The following CSDE1 variants were observed in gnomAD, a reference collection of about 807,000 sequenced individuals.
The protein encoded by CSDE1 is cold shock domain-containing protein E1.
In CSDE1, 17 loss-of-function variants were observed where a neutral mutation model predicts 89.3. The observed-to-expected ratio is 0.19, with a 90% CI of 0.13 to 0.29. CSDE1 has a LOEUF of 0.29. Ranked by LOEUF, CSDE1 falls within the 10% of genes least tolerant of loss-of-function variation. CSDE1 has a pLI of 1.00. For synonymous variants in CSDE1, 322 were observed against 332.8 expected, an observed-to-expected ratio of 0.97 and a Z score of 0.35; for missense variants, 672 against 984.2, an observed-to-expected ratio of 0.68 and a Z score of 4.24.
chr1:114,727,163 TTACA>T, intron 12 of CSDE1, 73 bp from the exon 13 acceptor site: 1 of 1,024,442 alleles, frequency 9.8e-7, no homozygotes, highest in Non-Finnish European at 1.5e-6. Context: ...ACTATAGTTC[TTACA>T]TATTCTTGTG....
intron 1 of CSDE1, among the ~76,000 whole-genome samples, chr1:114,752,818 A>G (rs993698215): frequency 6.6e-6 from 1 of 152,168 alleles, no homozygotes; most frequent in African/African-American, 2.4e-5. Context: ...ATACCAAGCA[A>G]TTTCTGTACT....
In CSDE1 at chr1:114,718,137, T is replaced by C. The variant is rs777289026; in HGVS notation, c.*32A>G. The stretch of plus-strand genomic sequence containing the variant: ...CACCAGATTCCCCCCAACTTGATCA[T>C]AGTGGATTAATGGTGTGCTTTGTGG... On this transcript the variant is annotated 3_prime_UTR_variant, in exon 20 of 20. Transcript: ENST00000358528. 1.1e-5 allele frequency: 17 copies of C among 1,612,438 alleles called. No individual in the cohort carries two copies. Among genetic ancestry groups the C allele is most frequent in the East Asian group, 2.2e-5 (1 of 44,878 alleles).
At position 114,732,808 on chromosome 1, in the gene CSDE1, T is replaced by C. The variant is rs751111517; in HGVS notation, c.846A>G (p.Pro282=). 3.1e-6 allele frequency: 5 copies of C among 1,614,032 alleles called. No homozygotes were observed. The highest frequency in any genetic ancestry group is 1.7e-5 in the Admixed American group (1 of 60,014). Residue 282 remains proline (P), a synonymous_variant, in exon 10 of 20, where the codon CCA becomes CCG. Coordinates refer to ENST00000358528, the MANE Select transcript of CSDE1 (RefSeq NM_001007553.3). ...PKVPSKNQND[P]LPGRIKVDFV... The stretch of plus-strand genomic sequence containing the variant: ...AGTCAACTTTGATGCGTCCTGGCAA[T>C]GGGTCATTCTGATGAGAAGGAAAAA...
rs1258457842 is a variant in CSDE1, at chr1:114,741,636, T to A, written c.1-1746A>T. The A allele has an allele frequency of 2.6e-6, 4 of 1,547,526 alleles. No individual in the cohort carries two copies. The East Asian group carries it at 7.3e-5, about 28-fold the overall frequency. On this transcript the variant is annotated intron_variant, in intron 2 of 19. Transcript: ENST00000358528. ...AGGGGCTGCAGGAGAGGGATGAGGA[T>A]CTGATGACACAGTAAAAACGTTCTC...
rs560545162 is a variant in CSDE1 at position 114,720,683 on chromosome 1, G to T, written c.1908C>A (p.Ile636=). The change falls in exon 17 of 20, where the codon ATC becomes ATA. Residue 636 remains isoleucine, a synonymous_variant. Transcript: ENST00000358528. ...AATCCCCTTTGTTGGCCATCCCAAC[G>T]ATGCCAAATGGATAGACCTCACCTT... The part of the protein sequence containing the change: ...DMKGEVYPFG[I]VGMANKGDCL... 22 of 1,614,146 alleles carry T rather than the reference G, an allele frequency of 1.4e-5. 1 individual carries two copies. The South Asian group carries it at 2.3e-4, about 17-fold the overall frequency.
Position 114,737,977 on chromosome 1 carries a change from G to GTTC in CSDE1, c.292_294dup (p.Glu98dup). On this transcript the variant is annotated inframe_insertion, in exon 4 of 20. Coordinates refer to ENST00000358528, the MANE Select transcript of CSDE1 (RefSeq NM_001007553.3). Reference sequence around the variant, plus strand: ...AAGTCACTAACTTGTCCATTCATTCGTTCTTCAGGGAGGATTTCTTGTTTT... The same window carrying GTTC: ...AAGTCACTAACTTGTCCATTCATTCGTTCTTCTTCAGGGAGGATTTCTTGTTTT... The GTTC allele has an allele frequency of 6.2e-7, 1 of 1,611,936 alleles. No homozygotes were observed. Among genetic ancestry groups the GTTC allele is most frequent in the Non-Finnish European group, 8.5e-7 (1 of 1,178,016 alleles).
intron 9 of CSDE1, among the ~76,000 whole-genome samples, chr1:114,733,040 CA>C (rs768042729): frequency 9.2e-5 from 14 of 152,122 alleles, no homozygotes; most frequent in Non-Finnish European, 1.6e-4. Flanking sequence ...ACTCTGGTAC[CA>C]AAAGATTTTA....
chr1:114,755,380 T>C (rs975677344), intron 1 of CSDE1, among the ~76,000 whole-genome samples: 1 of 152,164 alleles, frequency 6.6e-6, no homozygotes, highest in African/African-American at 2.4e-5. Context: ...GAAAAAGAAG[T>C]GCAAATAACT....
At chr1:114,740,398 A>C (rs1660657750) in intron 2 of CSDE1, among the ~76,000 whole-genome samples, 1 of 152,250 alleles carries the variant, frequency 6.6e-6, no homozygotes, top group South Asian at 2.1e-4. Context: ...TGAACTTTCT[A>C]TGCAATACTT....
chr1:114,734,527 G>A lies in CSDE1; in HGVS notation c.501-4C>T. 1.2e-6 allele frequency: 2 copies of A among 1,603,490 alleles called. No homozygotes were observed. Among genetic ancestry groups the A allele is most frequent in the Admixed American group, 1.7e-5 (1 of 57,594 alleles). Reference sequence around the variant, plus strand: ...GCGAGCACTTACAGCACCAGTACTAGAAAAAAAATAATTGCAGGGAGGAGG... The same window carrying A: ...GCGAGCACTTACAGCACCAGTACTAAAAAAAAAATAATTGCAGGGAGGAGG... On this transcript the variant is annotated splice_region_variant and splice_polypyrimidine_tract_variant and intron_variant, in intron 6 of 19. Transcript: ENST00000358528.
At chr1:114,751,723 C>T (rs1661320138) in intron 1 of CSDE1, among the ~76,000 whole-genome samples, 1 of 151,946 alleles carries the variant, frequency 6.6e-6, no homozygotes, top group Non-Finnish European at 1.5e-5. Context: ...CAAACCTATG[C>T]CCAGCCTCCA....
At chr1:114,754,781 G>C (rs1323251531) in intron 1 of CSDE1, among the ~76,000 whole-genome samples, 1 of 152,206 alleles carries the variant, frequency 6.6e-6, no homozygotes, top group Admixed American at 6.5e-5. Context: ...TTTTGTATCT[G>C]TGTAGTAACA....
intron 2 of CSDE1, among the ~76,000 whole-genome samples, chr1:114,747,810 A>G (rs1267561653): frequency 1.3e-5 from 2 of 151,920 alleles, no homozygotes; most frequent in African/African-American, 4.8e-5. Context: ...GTGAGCCAAG[A>G]TCACCCCACT....
chr1:114,745,223 C>T (rs554113695), intron 2 of CSDE1, among the ~76,000 whole-genome samples: 1 of 152,214 alleles, frequency 6.6e-6, no homozygotes, highest in South Asian at 2.1e-4. Context: ...AACTGCATTG[C>T]AGAAAAGCTC....
At chr1:114,742,074 T>G (rs982910612) in intron 2 of CSDE1, among the ~76,000 whole-genome samples, 2 of 152,224 alleles carry the variant, frequency 1.3e-5, no homozygotes, top group Non-Finnish European at 2.9e-5. Context: ...AATGAGCTTT[T>G]ATAAATATTT....
At chr1:114,731,092 A>G (rs576457147) in intron 10 of CSDE1, among the ~76,000 whole-genome samples, 39 of 152,074 alleles carry the variant, frequency 2.6e-4, no homozygotes, top group African/African-American at 9.2e-4. Flanking sequence ...AGAATAAAAT[A>G]TATGCAATCT....
intron 16 of CSDE1, among the ~76,000 whole-genome samples, chr1:114,721,257 G>T (rs1056483316): frequency 6.6e-6 from 1 of 152,070 alleles, no homozygotes; most frequent in Non-Finnish European, 1.5e-5. Context: ...CTAAAGGGCC[G>T]GAGAGTATTA....
chr1:114,737,951 A>T lies in CSDE1; in HGVS notation c.309+12T>A, dbSNP rs754708623. 1.3e-6 allele frequency: 2 copies of T among 1,577,678 alleles called. No homozygotes were observed. Among genetic ancestry groups the T allele is most frequent in the Non-Finnish European group, 1.7e-6 (2 of 1,146,816 alleles). ...GGGCCCTAAAAAAACACAAAGCATC[A>T]AAGTCACTAACTTGTCCATTCATTC... On this transcript the variant is annotated intron_variant, in intron 4 of 19. Coordinates refer to ENST00000358528, the MANE Select transcript of CSDE1 (RefSeq NM_001007553.3).
At chr1:114,741,521 A>T in intron 2 of CSDE1, 1 of 1,544,972 alleles carries the variant, frequency 6.5e-7, no homozygotes, top group Non-Finnish European at 8.8e-7. Flanking sequence ...TGCTTTCCTG[A>T]CTTACAGATC....
Sources: gnomAD v4.1 joint callset for allele counts (sites outside exome capture counted in the v4.1 genomes callset) on GRCh38, gnomAD v4.1.1 for gene constraint, MANE v1.5 for transcripts, NCBI Gene and HGNC (gene_info 2026-07-23, HGNC 2026-07-21) for gene names.